CTNNA2: variants seen among roughly 807,000 people sequenced by gnomAD.
CTNNA2 encodes catenin alpha 2, also known as catenin alpha-2.
In CTNNA2, 42 loss-of-function variants were observed where a neutral mutation model predicts 101.0. That is an observed-to-expected ratio of 0.42 (90% CI 0.32 to 0.54). The LOEUF (loss-of-function observed/expected upper bound fraction) is 0.54. Ranked by LOEUF, CTNNA2 falls within the 20% of genes least tolerant of loss-of-function variation. CTNNA2 has a pLI of 0.14. For missense variants in CTNNA2, 871 were observed against 1,223.1 expected, an observed-to-expected ratio of 0.71 and a Z score of 4.29; for synonymous variants, 450 against 456.4, an observed-to-expected ratio of 0.99 and a Z score of 0.18.
At chr2:80,540,033 A>G (rs1220207189) in intron 9 of CTNNA2, among the ~76,000 whole-genome samples, 1 of 152,110 alleles carries the variant, frequency 6.6e-6, no homozygotes, top group Non-Finnish European at 1.5e-5. Flanking sequence ...TCAAAATTCT[A>G]TCAGATTTAA....
At chr2:79,403,104 TA>T (rs1485656563) in intron 4 of CTNNA2, among the ~76,000 whole-genome samples, 1 of 151,604 alleles carries the variant, frequency 6.6e-6, no homozygotes, top group Non-Finnish European at 1.5e-5. Flanking sequence ...AGTAAAGATA[TA>T]ATAAAAACTA....
intron 7 of CTNNA2, among the ~76,000 whole-genome samples, chr2:80,306,400 T>TTTTCTTTTCTTTTCTTTTC (rs1491389570): frequency 1.0e-3 from 110 of 109,230 alleles, no homozygotes; most frequent in African/African-American, 4.3e-3. Context: ...TTTTCTTTTC[T>TTTTCTTTTCTTTTCTTTTC]TTTCTTTCTT....
At chr2:79,534,265 A>G (rs756770938) in intron 1 of CTNNA2, among the ~76,000 whole-genome samples, 6 of 151,992 alleles carry the variant, frequency 3.9e-5, no homozygotes, top group Non-Finnish European at 8.8e-5. Context: ...AAACATTTTT[A>G]TTATTTTTGG....
intron 7 of CTNNA2, among the ~76,000 whole-genome samples, chr2:80,130,040 T>C (rs908486236): frequency 1.3e-5 from 2 of 152,114 alleles, no homozygotes; most frequent in African/African-American, 4.8e-5. Flanking sequence ...GAGAGGGGAT[T>C]ACTAACCTGA....
chr2:79,537,901 C>A (rs1673170298), intron 1 of CTNNA2, among the ~76,000 whole-genome samples: 1 of 151,812 alleles, frequency 6.6e-6, no homozygotes, highest in East Asian at 1.9e-4. Flanking sequence ...TTTTATACCC[C>A]AAGTTGAAAA....
intron 4 of CTNNA2, among the ~76,000 whole-genome samples, chr2:79,468,089 A>G (rs1670958713): frequency 2.0e-5 from 3 of 152,178 alleles, no homozygotes; most frequent in Non-Finnish European, 2.9e-5. Flanking sequence ...CTAGCAAATT[A>G]GATAAAGAGT....
At chr2:80,267,176 C>G (rs916976336) in intron 7 of CTNNA2, among the ~76,000 whole-genome samples, 8 of 152,158 alleles carry the variant, frequency 5.3e-5, no homozygotes, top group Admixed American at 6.5e-5. Flanking sequence ...CTTCCTCTCC[C>G]TCTCCTCTTC....
At chr2:79,636,186 C>G (rs1478254502) in intron 1 of CTNNA2, among the ~76,000 whole-genome samples, 1 of 138,456 alleles carries the variant, frequency 7.2e-6, no homozygotes, top group Non-Finnish European at 1.5e-5. Flanking sequence ...AGGAGAATGG[C>G]GTGGACCCGG....
At chr2:79,701,501 C>T (rs1262866276) in intron 2 of CTNNA2, among the ~76,000 whole-genome samples, 1 of 152,182 alleles carries the variant, frequency 6.6e-6, no homozygotes, top group African/African-American at 2.4e-5. Context: ...CACCAACTTA[C>T]TGTCTAGACA....
intron 7 of CTNNA2, among the ~76,000 whole-genome samples, chr2:80,217,646 C>T (rs1001155976): frequency 3.9e-5 from 6 of 152,154 alleles, no homozygotes; most frequent in Admixed American, 1.3e-4. Flanking sequence ...TTGCTGAGTA[C>T]ACATTTTCAC....
At chr2:80,133,083 C>A (rs1702499864) in intron 7 of CTNNA2, among the ~76,000 whole-genome samples, 1 of 152,046 alleles carries the variant, frequency 6.6e-6, no homozygotes. Flanking sequence ...ATGGCTGATG[C>A]CCTTATAAGA....
At chr2:80,112,956 G>C (rs1416832463) in intron 7 of CTNNA2, among the ~76,000 whole-genome samples, 3 of 152,156 alleles carry the variant, frequency 2.0e-5, no homozygotes, top group Admixed American at 1.3e-4. Context: ...GACTGGAGCA[G>C]TATCTTACCT....
chr2:80,306,305 G>A (rs72928797), intron 7 of CTNNA2, among the ~76,000 whole-genome samples: 8,905 of 152,170 alleles, frequency 0.059, 271 homozygotes, highest in Middle Eastern at 0.082. Flanking sequence ...CTAAACTGAG[G>A]CCAAGAGACA....
At chr2:79,423,513 T>G (rs1010264956) in intron 4 of CTNNA2, among the ~76,000 whole-genome samples, 2 of 152,228 alleles carry the variant, frequency 1.3e-5, no homozygotes, top group African/African-American at 2.4e-5. Flanking sequence ...ATCCTGTTAT[T>G]GTACTTATGA....
chr2:80,306,377 T>TTCTTG (rs1347291847), intron 7 of CTNNA2, among the ~76,000 whole-genome samples: 4 of 128,138 alleles, frequency 3.1e-5, no homozygotes. Flanking sequence ...CTTTCTTTCT[T>TTCTTG]TCTTTTCTTT....
At chr2:79,310,209 A>G (rs1456039731) in intron 2 of CTNNA2, among the ~76,000 whole-genome samples, 2 of 152,134 alleles carry the variant, frequency 1.3e-5, no homozygotes, top group African/African-American at 2.4e-5. Flanking sequence ...TGGGGGTTTC[A>G]CTGTATTAGT....
At chr2:80,154,179 T>C (rs1703870360) in intron 7 of CTNNA2, among the ~76,000 whole-genome samples, 1 of 152,216 alleles carries the variant, frequency 6.6e-6, no homozygotes, top group South Asian at 2.1e-4. Flanking sequence ...CTGCAGTTTA[T>C]GTGGTTTGAT....
intron 7 of CTNNA2, among the ~76,000 whole-genome samples, chr2:80,010,469 A>AT (rs1037944332): frequency 4.6e-5 from 7 of 151,790 alleles, no homozygotes; most frequent in South Asian, 2.1e-4. Flanking sequence ...CCATGCCTGG[A>AT]TTTTTTTTAT....
At chr2:80,034,045 G>A (rs1281302668) in intron 7 of CTNNA2, among the ~76,000 whole-genome samples, 5 of 148,610 alleles carry the variant, frequency 3.4e-5, no homozygotes, top group African/African-American at 9.8e-5. Context: ...GTAGAGAGGC[G>A]GCTTTTAAAT....
Sources: allele counts gnomAD v4.1 joint callset (sites outside exome capture counted in the v4.1 genomes callset), GRCh38; gene constraint gnomAD v4.1.1; transcripts MANE v1.5; gene names NCBI Gene and HGNC (gene_info 2026-07-23, HGNC 2026-07-21).